The following DET1 variants were observed in gnomAD, a reference collection of about 807,000 sequenced individuals.
The protein encoded by DET1 is DET1 homolog.
In DET1, 22 loss-of-function variants were observed where a neutral mutation model predicts 43.7. That is an observed-to-expected ratio of 0.50 (90% CI 0.36 to 0.72). The LOEUF is 0.72. DET1 is among the 30% of genes least tolerant of loss of function. DET1 has a pLI of 0.00. For missense variants in DET1, 713 were observed against 713.3 expected, an observed-to-expected ratio of 1.00 and a Z score of 0.00; for synonymous variants, 315 against 266.2, an observed-to-expected ratio of 1.18 and a Z score of -1.79.
chr15:88,512,237 C>G (rs1005694895), downstream of DET1: 5 of 494,576 alleles, frequency 1.0e-5, no homozygotes, highest in African/African-American at 1.0e-4. Flanking sequence ...GAGCATGCTT[C>G]CACATGAGGA....
At chr15:88,528,502 A>G (rs2056727094) in intron 2 of DET1, among the ~76,000 whole-genome samples, 1 of 152,244 alleles carries the variant, frequency 6.6e-6, no homozygotes, top group South Asian at 2.1e-4. Flanking sequence ...TGAGATTTGT[A>G]GCAATTAAGA....
At chr15:88,515,732 G>T (rs1391363595) in intron 4 of DET1, among the ~76,000 whole-genome samples, 1 of 151,894 alleles carries the variant, frequency 6.6e-6, no homozygotes, top group African/African-American at 2.4e-5. Context: ...GGGTAATGGT[G>T]TTACTTGTTT....
At chr15:88,529,931 C>G (rs2056767383) in intron 2 of DET1, among the ~76,000 whole-genome samples, 1 of 152,136 alleles carries the variant, frequency 6.6e-6, no homozygotes, top group Non-Finnish European at 1.5e-5. Context: ...ATGCTTCTTC[C>G]CCCTACTGAA....
chr15:88,541,642 T>C (rs1162081441), intron 1 of DET1, among the ~76,000 whole-genome samples: 1 of 152,192 alleles, frequency 6.6e-6, no homozygotes, highest in African/African-American at 2.4e-5. Flanking sequence ...AATCCTACAA[T>C]TGTTCAAGCC....
At chr15:88,542,321 G>C (rs543953188) in intron 1 of DET1, among the ~76,000 whole-genome samples, 1 of 152,228 alleles carries the variant, frequency 6.6e-6, no homozygotes, top group Non-Finnish European at 1.5e-5. Context: ...GGTGGAAGGA[G>C]AGCCTTGGAC....
chr15:88,530,909 A>G lies in DET1; in HGVS notation c.797T>C (p.Leu266Pro). 6.2e-7 allele frequency: 1 copy of G among 1,614,046 alleles called. No homozygotes were observed. Among genetic ancestry groups the G allele is most frequent in the Non-Finnish European group, 8.5e-7 (1 of 1,179,892 alleles). The change falls in exon 2 of 5, where the codon CTC becomes CCC. Residue 266 changes from leucine (L) to proline (P), a missense_variant. Physicochemically the swap from Leu to Pro is moderately conservative, Grantham distance 98. Coordinates refer to ENST00000268148, the MANE Select transcript of DET1 (RefSeq NM_001144074.3). ...IGRFCYEDDL[L>P]TVSAVFPEVQ... is the part of the protein sequence containing the mutation. ...CTCAGGGAAAACAGCTGACACAGTG[A>G]GCAGGTCATCCTCATAGCAAAAGCG...
At chr15:88,517,028 T>G in intron 3 of DET1, 55 bp from the exon 4 acceptor site, 2 of 1,339,750 alleles carry the variant, frequency 1.5e-6, no homozygotes. Flanking sequence ...AAAGCTGTCT[T>G]GAATTTTAAA....
intron 1 of DET1, among the ~76,000 whole-genome samples, chr15:88,543,124 G>A (rs1473349068): frequency 1.3e-5 from 2 of 152,148 alleles, no homozygotes; most frequent in Non-Finnish European, 2.9e-5. Context: ...AGGCCTCCCA[G>A]ATACCTCAAA....
chr15:88,516,809 G>A lies in DET1; in HGVS notation c.1436C>T (p.Pro479Leu). 1 of 1,599,816 alleles carries A rather than the reference G, an allele frequency of 6.3e-7. No homozygotes were observed. Residue 479 changes from proline to leucine, a missense_variant, in exon 4 of 5, where the codon CCC becomes CTC. Transcript: ENST00000268148. The surrounding 1 kb of genome is among the most constrained non-coding windows in gnomAD (Gnocchi z 4.4). ...GATTGGGTGATCTCCACAAGTCTTG[G>A]GCCGCTCCATGACAGATACCCACTT... Reference protein sequence around the residue: ...DDKWVSVMERPKTCGDHPIRF... With the variant: ...DDKWVSVMERLKTCGDHPIRF...
chr15:88,529,144 G>A (rs1431939093), intron 2 of DET1, among the ~76,000 whole-genome samples: 1 of 152,144 alleles, frequency 6.6e-6, no homozygotes, highest in African/African-American at 2.4e-5. Flanking sequence ...AGAAGAAAAG[G>A]ATAATCTCAA....
intron 1 of DET1, among the ~76,000 whole-genome samples, chr15:88,535,291 C>A (rs1008282486): frequency 3.3e-5 from 5 of 151,910 alleles, no homozygotes; most frequent in African/African-American, 1.2e-4. Context: ...ATGAGTCAGT[C>A]ACCCTGAAGA....
chr15:88,534,852 G>T (rs906763096), intron 1 of DET1, among the ~76,000 whole-genome samples: 2 of 152,114 alleles, frequency 1.3e-5, no homozygotes, highest in African/African-American at 4.8e-5. Flanking sequence ...ATCCTCTTAG[G>T]ATTTAAACAA....
intron 2 of DET1, 77 bp from the exon 3 acceptor site, chr15:88,527,863 G>C: frequency 8.5e-7 from 1 of 1,175,550 alleles, no homozygotes; most frequent in Non-Finnish European, 1.1e-6. Context: ...CTTATTACTT[G>C]GCTGAAAATT....
intron 3 of DET1, among the ~76,000 whole-genome samples, chr15:88,521,168 T>C (rs974858690): frequency 1.3e-5 from 2 of 152,220 alleles, no homozygotes; most frequent in African/African-American, 4.8e-5. Flanking sequence ...CCTGGCCTTC[T>C]TGTTGTCCCT....
intron 4 of DET1, among the ~76,000 whole-genome samples, chr15:88,515,538 T>TAAAAAAAAA (rs1491544233): frequency 0.04 from 1,889 of 47,474 alleles, 901 homozygotes; most frequent in Non-Finnish European, 0.047. Flanking sequence ...GACTCCGTCT[T>TAAAAAAAAA]ATAAAAAAAA....
intron 3 of DET1, among the ~76,000 whole-genome samples, chr15:88,521,783 T>A (rs2056496137): frequency 6.6e-6 from 1 of 152,148 alleles, no homozygotes; most frequent in Non-Finnish European, 1.5e-5. Flanking sequence ...TGTTTTTACA[T>A]GTGAAATGTA....
intron 3 of DET1, 129 bp downstream of exon 3, chr15:88,527,470 G>T: frequency 3.9e-6 from 3 of 767,874 alleles, no homozygotes; most frequent in Non-Finnish European, 5.9e-6. Flanking sequence ...AGAAACAAGG[G>T]GTTATAATAA....
At chr15:88,536,169 C>T (rs1181057086) in intron 1 of DET1, 8 of 610,660 alleles carry the variant, frequency 1.3e-5, no homozygotes, top group Non-Finnish European at 2.4e-5. Context: ...AAAGATCTGC[C>T]TCTGTTTCAT....
Position 88,531,718 on chromosome 15 carries a change from A to G in DET1, c.-10-3T>C. The G allele has an allele frequency of 6.3e-7, 1 of 1,591,814 alleles. No homozygotes were observed. The highest frequency in any genetic ancestry group is 8.6e-7 in the Non-Finnish European group (1 of 1,165,712). ...CATGATGATCCATTATCACATCTCT[A>G]AACAGAAAAGTAAAGCAGAAGTCAA... is the stretch of plus-strand genomic sequence containing the variant. On this transcript the variant is annotated splice_region_variant and splice_polypyrimidine_tract_variant and intron_variant, in intron 1 of 4. Transcript: ENST00000268148. The surrounding 1 kb of genome is among the most constrained non-coding windows in gnomAD (Gnocchi z 6.2).
Sources: allele counts gnomAD v4.1 joint callset (sites outside exome capture counted in the v4.1 genomes callset), GRCh38; gene constraint gnomAD v4.1.1; non-coding constraint Gnocchi (gnomAD v3.1); transcripts MANE v1.5; gene names NCBI Gene and HGNC (gene_info 2026-07-23, HGNC 2026-07-21).